Variants in ZNF567 observed in about 807,000 individuals in gnomAD.
ZNF567 encodes zinc finger protein 567.
ZNF567 carries 36 observed loss-of-function variants against 53.9 expected under a neutral mutation model. The observed-to-expected ratio is 0.67, with a 90% CI of 0.51 to 0.88. ZNF567 has a LOEUF of 0.88. Ranked by LOEUF, ZNF567 falls within the 40% of genes least tolerant of loss-of-function variation. ZNF567 has a pLI of 0.00. For synonymous variants in ZNF567, 224 were observed against 260.4 expected (o/e 0.86, Z 1.35); for missense variants, 619 against 764.7 (o/e 0.81, Z 2.25).
At chr19:36,679,111 C>A in the ZNF567 span, among the ~76,000 whole-genome samples, 1 of 152,044 alleles carries the variant, frequency 6.6e-6, no homozygotes, top group Non-Finnish European at 1.5e-5. Context: ...ATGGTGAAAC[C>A]CCGTCTCTAA....
In ZNF567 at chr19:36,719,087, C is replaced by T; in HGVS notation, c.363C>T (p.Gly121=). 1 of 1,612,048 alleles carries T rather than the reference C, an allele frequency of 6.2e-7. No individual in the cohort carries two copies. Residue 121 remains glycine (G), a synonymous_variant, in exon 6 of 6, where the codon GGC becomes GGT. Transcript: ENST00000682579. ...SKIYEKTFTL[G]KNPVNSKNLP... ...TATATGAAAAGACATTTACTCTAGGCAAAAACCCTGTGAATTCAAAAAATC... is the reference window on the plus strand; with the variant it reads ...TATATGAAAAGACATTTACTCTAGGTAAAAACCCTGTGAATTCAAAAAATC...
chr19:36,712,773 C>T lies in ZNF567; in HGVS notation c.137-8C>T. Reference sequence around the variant, plus strand: ...CCAATCAACTTAAGTCTTTTTTTCACTTTTCAGGGTGTCACATGACCAAAC... The same window carrying T: ...CCAATCAACTTAAGTCTTTTTTTCATTTTTCAGGGTGTCACATGACCAAAC... On this transcript the variant is annotated splice_polypyrimidine_tract_variant and splice_region_variant and intron_variant, in intron 4 of 5. Transcript: ENST00000682579. 4 of 1,610,560 alleles carry T rather than the reference C, an allele frequency of 2.5e-6. No individual in the cohort carries two copies. Among genetic ancestry groups the T allele is most frequent in the Non-Finnish European group, 3.4e-6 (4 of 1,178,772 alleles).
the ZNF567 span, among the ~76,000 whole-genome samples, chr19:36,678,799 G>A: frequency 5.3e-5 from 8 of 150,904 alleles, no homozygotes; most frequent in South Asian, 2.1e-4. Context: ...AGCCGAGATC[G>A]CCCACTGCAC....
At chr19:36,677,973 T>C in the ZNF567 span, among the ~76,000 whole-genome samples, 6 of 152,168 alleles carry the variant, frequency 3.9e-5, no homozygotes, top group Non-Finnish European at 8.8e-5. Context: ...TCTTCCTCTG[T>C]CTCATATTTT....
At chr19:36,724,545 G>C (rs1035056349), downstream of ZNF567, among the ~76,000 whole-genome samples, 17 of 151,878 alleles carry the variant, frequency 1.1e-4, no homozygotes, top group African/African-American at 4.1e-4. Flanking sequence ...TAGCAGGCAT[G>C]GTGGCGTGTG....
At chr19:36,726,283 CT>C (rs1194608951), downstream of ZNF567, among the ~76,000 whole-genome samples, 2 of 152,100 alleles carry the variant, frequency 1.3e-5, no homozygotes, top group African/African-American at 4.8e-5. Flanking sequence ...TCATGCTCGT[CT>C]TTTTTCATTT....
At chr19:36,667,490 A>C in the ZNF567 span, among the ~76,000 whole-genome samples, 1 of 151,222 alleles carries the variant, frequency 6.6e-6, no homozygotes, top group Non-Finnish European at 1.5e-5. Flanking sequence ...CGACAGAGCA[A>C]CTCCTTCTCA....
At position 36,720,324 on chromosome 19, in the gene ZNF567, G is replaced by T. The variant is rs1408414021; in HGVS notation, c.1600G>T (p.Val534Phe). 6.2e-6 allele frequency: 10 copies of T among 1,613,444 alleles called. No homozygotes were observed. The change falls in exon 6 of 6, where the codon GTT becomes TTT. Residue 534 changes from valine to phenylalanine, a missense_variant. Physicochemically the swap from Val to Phe is conservative, Grantham distance 50. Transcript: ENST00000682579. Reference protein sequence around the residue: ...QRIHTGEKPYVCNECGKSFRQ... With the variant: ...QRIHTGEKPYFCNECGKSFRQ... ...AATTCATACAGGGGAGAAACCCTAT[G>T]TTTGTAATGAATGTGGGAAGTCCTT... is the stretch of plus-strand genomic sequence containing the variant.
chr19:36,714,014 A>G (rs1600566262), intron 5 of ZNF567, among the ~76,000 whole-genome samples: 1 of 152,242 alleles, frequency 6.6e-6, no homozygotes, highest in Admixed American at 6.5e-5. Flanking sequence ...ATCAAAAACA[A>G]CTGCCACTCT....
the ZNF567 span, among the ~76,000 whole-genome samples, chr19:36,672,329 A>C: frequency 2.0e-5 from 3 of 152,236 alleles, no homozygotes; most frequent in Non-Finnish European, 4.4e-5. Context: ...TCTAGGGAAG[A>C]GATATGGACC....
chr19:36,718,299 A>C (rs1447045096), intron 5 of ZNF567, among the ~76,000 whole-genome samples: 1 of 152,116 alleles, frequency 6.6e-6, no homozygotes, highest in Non-Finnish European at 1.5e-5. Context: ...GGAGTTCGAG[A>C]CCAACCTGGC....
At chr19:36,667,831 A>C in the ZNF567 span, among the ~76,000 whole-genome samples, 2 of 151,602 alleles carry the variant, frequency 1.3e-5, no homozygotes, top group African/African-American at 4.8e-5. Context: ...TTGTATTTTT[A>C]GTAGAGACGG....
At chr19:36,678,047 C>T in the ZNF567 span, among the ~76,000 whole-genome samples, 24 of 152,114 alleles carry the variant, frequency 1.6e-4, no homozygotes, top group African/African-American at 3.4e-4. Context: ...ATATACAGGA[C>T]CTTTTATCTC....
At chr19:36,698,129 G>A (rs982387198) in intron 3 of ZNF567, among the ~76,000 whole-genome samples, 2 of 151,870 alleles carry the variant, frequency 1.3e-5, no homozygotes, top group Non-Finnish European at 2.9e-5. Flanking sequence ...CTGTGTCCAT[G>A]TGTTCTCATT....
At chr19:36,704,738 T>A (rs929819525) in intron 3 of ZNF567, among the ~76,000 whole-genome samples, 2 of 152,214 alleles carry the variant, frequency 1.3e-5, no homozygotes, top group African/African-American at 4.8e-5. Context: ...TTGTATTCTC[T>A]CCTCTTATTA....
At chr19:36,689,236 A>AGT (rs59984347) in intron 1 of ZNF567, among the ~76,000 whole-genome samples, 161 bp from the exon 2 acceptor site, 5,137 of 138,908 alleles carry the variant, frequency 0.037, 90 homozygotes, top group African/African-American at 0.051. Flanking sequence ...CCTATTTGAG[A>AGT]GTGTGTGTGT....
chr19:36,694,756 C>A, intron 2 of ZNF567, 46 bp from the exon 3 acceptor site: 1 of 929,356 alleles, frequency 1.1e-6, no homozygotes, highest in Non-Finnish European at 1.6e-6. Context: ...CTGTGAGGCA[C>A]ATGTGGTCTC....
intron 3 of ZNF567, among the ~76,000 whole-genome samples, chr19:36,708,774 T>C (rs1432822850): frequency 6.6e-6 from 1 of 152,210 alleles, no homozygotes. Context: ...CTTCGTAATA[T>C]GCATTTGAAT....
At chr19:36,723,303 A>G, downstream of ZNF567, 1 of 699,684 alleles carries the variant, frequency 1.4e-6, no homozygotes, top group South Asian at 1.5e-5. Context: ...TTGCATTTCC[A>G]GACATTTCAG....
Sources: gnomAD v4.1 joint callset for allele counts (sites outside exome capture counted in the v4.1 genomes callset) on GRCh38, gnomAD v4.1.1 for gene constraint, MANE v1.5 for transcripts, NCBI Gene and HGNC (gene_info 2026-07-23, HGNC 2026-07-21) for gene names.